PPP2CB: variants seen among roughly 807,000 people sequenced by gnomAD.
The protein encoded by PPP2CB is serine/threonine-protein phosphatase 2A catalytic subunit beta isoform.
PPP2CB carries 18 observed loss-of-function variants against 39.1 expected under a neutral mutation model. That is an observed-to-expected ratio of 0.46 (90% confidence interval 0.32 to 0.68). The LOEUF (loss-of-function observed/expected upper bound fraction) is 0.68. Among genes scored for constraint, PPP2CB ranks in the 30% least tolerant of loss-of-function variants. The pLI is 0.04. For missense variants in PPP2CB, 226 were observed against 396.9 expected (o/e 0.57, Z 3.66); for synonymous variants, 129 against 133.8 (o/e 0.96, Z 0.25).
At chr8:30,801,929 TTC>T (rs1806634476) in intron 1 of PPP2CB, among the ~76,000 whole-genome samples, 2 of 152,166 alleles carry the variant, frequency 1.3e-5, no homozygotes, top group South Asian at 4.1e-4. Flanking sequence ...AACAGAAGTG[TTC>T]TCTCTAGTGT....
intron 1 of PPP2CB, among the ~76,000 whole-genome samples, chr8:30,802,813 T>C (rs1265004982): frequency 3.9e-5 from 6 of 152,156 alleles, no homozygotes; most frequent in Non-Finnish European, 8.8e-5. Context: ...TGCTACAATA[T>C]GGAGGAATCT....
At chr8:30,790,156 AT>A (rs34986623) in intron 6 of PPP2CB, among the ~76,000 whole-genome samples, 21,114 of 152,014 alleles carry the variant, frequency 0.14, 1,577 homozygotes, top group African/African-American at 0.21. Context: ...GTGGACATGA[AT>A]TTTTTTGGGG....
intron 3 of PPP2CB, among the ~76,000 whole-genome samples, chr8:30,795,119 ATTTTTTTTTTT>A (rs893547625): frequency 2.4e-5 from 3 of 127,498 alleles, no homozygotes; most frequent in Non-Finnish European, 5.0e-5. Flanking sequence ...TCTGATTTTG[ATTTTTTTTTTT>A]TTTTTTTTTG....
At chr8:30,794,948 A>C (rs1806494946) in intron 3 of PPP2CB, among the ~76,000 whole-genome samples, 1 of 152,194 alleles carries the variant, frequency 6.6e-6, no homozygotes, top group Non-Finnish European at 1.5e-5. Context: ...TATACGTTTT[A>C]ATTCTTTTTA....
rs753145172 is a variant in PPP2CB at position 30,812,368 on chromosome 8, G to A, written c.54C>T (p.Asn18=). ...GGTTCTCGTTCAGCTGCTTACACTC[G>A]TTCAGCTGCTCGACCCACTGGTCCA... is the stretch of plus-strand genomic sequence containing the variant. ...KELDQWVEQL[N]ECKQLNENQV... is the part of the protein sequence containing the mutation. Residue 18 remains asparagine, a synonymous_variant, in exon 1 of 7, where the codon AAC becomes AAT. Transcript: ENST00000221138. The A allele has an allele frequency of 1.9e-6, 3 of 1,563,342 alleles. No individual in the cohort carries two copies. In the South Asian group the frequency reaches 3.4e-5, roughly 18 times the overall value.
Position 30,811,972 on chromosome 8 carries a change from G to A in PPP2CB, c.102+348C>T, listed in dbSNP as rs374383326. 1.9e-4 allele frequency among the ~76,000 whole-genome samples: 29 copies of A among 152,324 alleles called. No individual in the cohort carries two copies. The East Asian group carries it at 4.6e-3, about 24-fold the overall frequency. On this transcript the variant is annotated intron_variant, in intron 1 of 6. Transcript: ENST00000221138. ...TCGCTAGTCCACTCGGGAAATGCTAGAGTGGCAGGAACTCCCCAGTGGAGC... is the reference window on the plus strand; with the variant it reads ...TCGCTAGTCCACTCGGGAAATGCTAAAGTGGCAGGAACTCCCCAGTGGAGC...
intron 6 of PPP2CB, among the ~76,000 whole-genome samples, chr8:30,790,245 C>T (rs570621468): frequency 3.9e-5 from 6 of 152,294 alleles, no homozygotes; most frequent in African/African-American, 1.2e-4. Flanking sequence ...CTCTTGACTG[C>T]TCCTGAGTGG....
chr8:30,785,952 T>TA lies in PPP2CB; in HGVS notation c.*282dup, dbSNP rs1806332963. 1.8e-6 allele frequency: 1 copy of TA among 563,082 alleles called. No homozygotes were observed. Among genetic ancestry groups the TA allele is most frequent in the Non-Finnish European group, 3.4e-6 (1 of 298,472 alleles). 34.9% of individuals were successfully genotyped at this position (563,082 alleles called of 1,614,324 possible). A position where few individuals can be genotyped will look rare whatever the true frequency, so the allele number is the denominator to read the frequency against. On this transcript the variant is annotated 3_prime_UTR_variant, in exon 7 of 7. Coordinates refer to ENST00000221138, the MANE Select transcript of PPP2CB (RefSeq NM_001009552.2). ...CGCAAAAGGAGATGAAGCAGTTAGT[T>TA]ACCTTTTTTGCTTGAACAGTCCAAA...
At chr8:30,794,376 G>A (rs777558583) in intron 3 of PPP2CB, 95 bp from the exon 4 acceptor site, 5 of 1,031,174 alleles carry the variant, frequency 4.8e-6, no homozygotes, top group African/African-American at 1.6e-5. Flanking sequence ...AGTCCAAATA[G>A]TGCCAACATT....
chr8:30,806,004 C>T (rs991504524), intron 1 of PPP2CB, among the ~76,000 whole-genome samples: 4 of 151,618 alleles, frequency 2.6e-5, no homozygotes, highest in Admixed American at 1.3e-4. Context: ...GGAAAGGAAA[C>T]GGAATCTGTA....
rs985694174 is a variant in PPP2CB at position 30,785,836 on chromosome 8, G to C, written c.*399C>G. 3 of 325,418 alleles carry C rather than the reference G, an allele frequency of 9.2e-6. No individual in the cohort carries two copies. Among genetic ancestry groups the C allele is most frequent in the African/African-American group, 6.6e-5 (3 of 45,646 alleles). 20.2% of individuals were successfully genotyped at this position (325,418 alleles called of 1,614,324 possible). On this transcript the variant is annotated 3_prime_UTR_variant, in exon 7 of 7. Coordinates refer to ENST00000221138, the MANE Select transcript of PPP2CB (RefSeq NM_001009552.2). ...ATAAAATAAAGGATAATGGATTAGT[G>C]GAAGTTAGCTTGTGAATTTTTCTTA...
intron 6 of PPP2CB, among the ~76,000 whole-genome samples, chr8:30,789,413 T>C (rs186971100): frequency 3.9e-4 from 59 of 152,344 alleles, no homozygotes; most frequent in Admixed American, 7.8e-4. Flanking sequence ...GATCAAAGAT[T>C]GTACTTAAGC....
chr8:30,795,377 A>C (rs1053857502), intron 3 of PPP2CB, among the ~76,000 whole-genome samples: 1 of 152,176 alleles, frequency 6.6e-6, no homozygotes, highest in African/African-American at 2.4e-5. Context: ...GGCCTCCCAA[A>C]GTGCTGGGAT....
At chr8:30,794,522 G>A in intron 3 of PPP2CB, 1 of 400,752 alleles carries the variant, frequency 2.5e-6, no homozygotes, top group Non-Finnish European at 4.3e-6. Context: ...TCTGGTCAAT[G>A]GTATCCCCAT....
intron 1 of PPP2CB, among the ~76,000 whole-genome samples, chr8:30,804,900 A>G (rs539820059): frequency 1.3e-5 from 2 of 152,288 alleles, no homozygotes; most frequent in South Asian, 4.1e-4. Flanking sequence ...ATTAAAAAAA[A>G]AAGAGTCTCT....
Position 30,786,086 on chromosome 8 carries a change from C to T in PPP2CB, c.*149G>A. ...CTAAATGCTCATCATTAGTATGGCACATTTGGTCCATGATGTGGTTTAATG... is the reference window on the plus strand; with the variant it reads ...CTAAATGCTCATCATTAGTATGGCATATTTGGTCCATGATGTGGTTTAATG... On this transcript the variant is annotated 3_prime_UTR_variant, in exon 7 of 7. Transcript: ENST00000221138. 1 of 726,618 alleles carries T rather than the reference C, an allele frequency of 1.4e-6. No individual in the cohort carries two copies. The highest frequency in any genetic ancestry group is 1.5e-5 in the South Asian group (1 of 64,666). The allele number at this position is 726,618 out of a possible 1,614,324, so 45.0% of individuals were successfully genotyped here.
At chr8:30,787,122 A>C (rs1463995282) in intron 6 of PPP2CB, among the ~76,000 whole-genome samples, 1 of 152,196 alleles carries the variant, frequency 6.6e-6, no homozygotes, top group Non-Finnish European at 1.5e-5. Context: ...TCCTGGGATA[A>C]ATCCCACTTG....
At chr8:30,787,888 G>T (rs1282682750) in intron 6 of PPP2CB, among the ~76,000 whole-genome samples, 2 of 152,152 alleles carry the variant, frequency 1.3e-5, no homozygotes, top group Non-Finnish European at 2.9e-5. Context: ...CATTTGAAAG[G>T]TCATTCAGAT....
intron 6 of PPP2CB, among the ~76,000 whole-genome samples, chr8:30,787,564 C>T (rs767088753): frequency 4.3e-4 from 65 of 152,246 alleles, no homozygotes; most frequent in South Asian, 1.0e-3. Flanking sequence ...GATCTTGAAT[C>T]CTGGGCTCAA....
Sources: allele counts gnomAD v4.1 joint callset (sites outside exome capture counted in the v4.1 genomes callset), GRCh38; gene constraint gnomAD v4.1.1; transcripts MANE v1.5; gene names NCBI Gene and HGNC (gene_info 2026-07-23, HGNC 2026-07-21).